Variants in MAP2K6 observed in about 807,000 individuals in gnomAD.
MAP2K6 encodes mitogen-activated protein kinase kinase 6.
Under a neutral mutation model 53.7 loss-of-function variants are expected in MAP2K6, and 16 were observed. That is an observed-to-expected ratio of 0.30 (90% CI 0.20 to 0.45). MAP2K6 has a LOEUF of 0.45. Among genes scored for constraint, MAP2K6 ranks in the 20% least tolerant of loss-of-function variants. The pLI, the probability that MAP2K6 is intolerant of heterozygous loss-of-function variation, is 1.00. For missense variants in MAP2K6, 204 were observed against 411.9 expected, an observed-to-expected ratio of 0.50 and a Z score of 4.37; for synonymous variants, 132 against 143.1, an observed-to-expected ratio of 0.92 and a Z score of 0.55.
Position 69,483,473 on chromosome 17 carries a change from C to T in MAP2K6, c.17-22307C>T, listed in dbSNP as rs181063475. ...AAGAAGATCTAAATAAATGCAAAGG[C>T]GTACCATGTTCATGAGTCAAAAGAC... On this transcript the variant is annotated intron_variant, in intron 1 of 11. Transcript: ENST00000590474. Among the ~76,000 whole-genome samples, 161 of 152,124 alleles carry T rather than the reference C, an allele frequency of 1.1e-3. No individual in the cohort carries two copies. In the South Asian group the frequency reaches 0.017, roughly 16 times the overall value.
chr17:69,441,315 T>C (rs918979280), intron 1 of MAP2K6, among the ~76,000 whole-genome samples: 13 of 152,350 alleles, frequency 8.5e-5, no homozygotes, highest in South Asian at 2.1e-4. Flanking sequence ...AGATTTTTTT[T>C]CAGGTCTATT....
intron 1 of MAP2K6, among the ~76,000 whole-genome samples, chr17:69,465,751 C>T (rs1907776603): frequency 6.6e-6 from 1 of 151,752 alleles, no homozygotes; most frequent in Admixed American, 6.6e-5. Flanking sequence ...TCCCAAATAG[C>T]TGGGATTATA....
rs757322431 is a variant in MAP2K6 at position 69,517,550 on chromosome 17, A to G, written c.183A>G (p.Arg61=). The G allele has an allele frequency of 2.5e-6, 4 of 1,611,576 alleles. No individual in the cohort carries two copies. The Admixed American group carries it at 5.0e-5, about 20-fold the overall frequency. Residue 61 remains arginine, a synonymous_variant, in exon 4 of 12, where the codon CGA becomes CGG. Coordinates refer to ENST00000590474, the MANE Select transcript of MAP2K6 (RefSeq NM_002758.4). The part of the protein sequence containing the change: ...DDLEPIMELG[R]GAYGVVEKMR... Reference sequence around the variant, plus strand: ...TGGAGCCTATAATGGAACTGGGACGAGGTGCGTACGGGGTGGTGGAGAAGA... The same window carrying G: ...TGGAGCCTATAATGGAACTGGGACGGGGTGCGTACGGGGTGGTGGAGAAGA...
chr17:69,537,039 G>T (rs1369360259), intron 11 of MAP2K6, among the ~76,000 whole-genome samples: 1 of 152,162 alleles, frequency 6.6e-6, no homozygotes, highest in African/African-American at 2.4e-5. Context: ...CCGTGATTGT[G>T]CCACTGAATT....
At chr17:69,488,441 A>G (rs1908626959) in intron 1 of MAP2K6, among the ~76,000 whole-genome samples, 1 of 152,202 alleles carries the variant, frequency 6.6e-6, no homozygotes. Flanking sequence ...AAAAGAAAAA[A>G]ATTGTTCTAC....
chr17:69,428,262 C>T (rs964032096), intron 1 of MAP2K6, among the ~76,000 whole-genome samples: 30 of 152,186 alleles, frequency 2.0e-4, no homozygotes, highest in Admixed American at 1.3e-3. Flanking sequence ...ATCAAGTTGG[C>T]GGCAGGGCTG....
At chr17:69,426,866 T>C (rs1392839590) in intron 1 of MAP2K6, among the ~76,000 whole-genome samples, 1 of 152,310 alleles carries the variant, frequency 6.6e-6, no homozygotes, top group East Asian at 1.9e-4. Context: ...ACTTGTGTTT[T>C]CTAAGAACTT....
chr17:69,434,103 C>T (rs914678597), intron 1 of MAP2K6: 1 of 152,146 alleles, frequency 6.6e-6, no homozygotes, highest in African/African-American at 2.4e-5. Flanking sequence ...AATGGATAGC[C>T]AAATTGGCTT....
chr17:69,421,531 GT>G (rs982821853), intron 1 of MAP2K6, among the ~76,000 whole-genome samples: 9 of 150,528 alleles, frequency 6.0e-5, no homozygotes, highest in African/African-American at 2.2e-4. Flanking sequence ...TCCTTTTTTT[GT>G]TGTTGTTTTT....
intron 1 of MAP2K6, among the ~76,000 whole-genome samples, chr17:69,424,500 GC>G (rs1906201587): frequency 1.3e-5 from 2 of 152,190 alleles, no homozygotes; most frequent in African/African-American, 4.8e-5. Context: ...GCAAACTGAG[GC>G]CGGAGAGGTT....
rs988916807 is a variant in MAP2K6 at position 69,543,013 on chromosome 17, G to T, written c.*1260G>T. The T allele has an allele frequency of 6.6e-6, 1 of 152,144 alleles. No homozygotes were observed. Among genetic ancestry groups the T allele is most frequent in the African/African-American group, 2.4e-5 (1 of 41,436 alleles). The allele number at this position is 152,144 out of a possible 1,614,324, so 9.4% of individuals were successfully genotyped here. A position where few individuals can be genotyped will look rare whatever the true frequency, so the allele number is the denominator to read the frequency against. On this transcript the variant is annotated 3_prime_UTR_variant, in exon 12 of 12. Transcript: ENST00000590474. ...TTTCTTCAGCAGCGTGCAATAGCTG[G>T]CTCCTCTATAGGAGATGAGCTTCAT...
intron 1 of MAP2K6, among the ~76,000 whole-genome samples, chr17:69,504,256 G>GA (rs1909335463): frequency 6.6e-6 from 1 of 152,074 alleles, no homozygotes; most frequent in Non-Finnish European, 1.5e-5. Flanking sequence ...GAAGAGGTGG[G>GA]AAAGGAGGTA....
At chr17:69,540,127 G>A (rs1351618953) in intron 11 of MAP2K6, among the ~76,000 whole-genome samples, 1 of 152,120 alleles carries the variant, frequency 6.6e-6, no homozygotes, top group Non-Finnish European at 1.5e-5. Context: ...TTGTTTCCTA[G>A]AGTTTCCATG....
At chr17:69,457,543 G>C (rs1038561044) in intron 1 of MAP2K6, among the ~76,000 whole-genome samples, 1 of 152,182 alleles carries the variant, frequency 6.6e-6, no homozygotes, top group Non-Finnish European at 1.5e-5. Flanking sequence ...GAGCTTGTTA[G>C]AAATGCAGGC....
chr17:69,417,819 T>C (rs1240097228), intron 1 of MAP2K6, among the ~76,000 whole-genome samples: 2 of 152,190 alleles, frequency 1.3e-5, no homozygotes, highest in South Asian at 4.1e-4. Flanking sequence ...TAGGGAGATC[T>C]GGCATCCCCC....
intron 1 of MAP2K6, among the ~76,000 whole-genome samples, chr17:69,416,024 C>G (rs1406385398): frequency 1.3e-5 from 2 of 152,098 alleles, no homozygotes; most frequent in Non-Finnish European, 2.9e-5. Context: ...GACCCCAAGT[C>G]ACTTGTTTCA....
rs1303185723 is a variant in MAP2K6 at position 69,449,527 on chromosome 17, CTTTG to C, written c.16+34529_16+34532del. ...TTTCTTTCTTTCTTTGTCTTTCTTT[CTTTG>C]TCTTTCTTTCTTTCTTTCTTTCTTT... On this transcript the variant is annotated intron_variant, in intron 1 of 11. Coordinates refer to ENST00000590474, the MANE Select transcript of MAP2K6 (RefSeq NM_002758.4). Among the ~76,000 whole-genome samples, 57 of 109,024 alleles carry C rather than the reference CTTTG, an allele frequency of 5.2e-4. 1 individual carries two copies. In the South Asian group the frequency reaches 0.017, roughly 32 times the overall value. 71.5% of individuals were successfully genotyped at this position (109,024 alleles called of 152,430 possible).
In MAP2K6 at chr17:69,541,805, G is replaced by T. The variant is rs779775977; in HGVS notation, c.*52G>T. The T allele has an allele frequency of 7.3e-7, 1 of 1,360,688 alleles. No individual in the cohort carries two copies. The highest frequency in any genetic ancestry group is 1.0e-6 in the Non-Finnish European group (1 of 954,842). The allele number at this position is 1,360,688 out of a possible 1,614,324, so 84.3% of individuals were successfully genotyped here. On this transcript the variant is annotated 3_prime_UTR_variant, in exon 12 of 12. Transcript: ENST00000590474. ...CTACTGTGGATTGGTGGGTTTCGGG[G>T]TGAAGCAAGTTCACTACAGCATCAA...
chr17:69,495,393 G>C (rs1002242560), intron 1 of MAP2K6, among the ~76,000 whole-genome samples: 1 of 151,734 alleles, frequency 6.6e-6, no homozygotes, highest in Non-Finnish European at 1.5e-5. Flanking sequence ...CCACCAACAC[G>C]CCCAGCTAAT....
Sources: gnomAD v4.1 joint callset for allele counts (sites outside exome capture counted in the v4.1 genomes callset) on GRCh38, gnomAD v4.1.1 for gene constraint, MANE v1.5 for transcripts, NCBI Gene and HGNC (gene_info 2026-07-23, HGNC 2026-07-21) for gene names.